IGF2BP3: variants seen among roughly 807,000 people sequenced by gnomAD.
The protein encoded by IGF2BP3 is insulin like growth factor 2 mRNA binding protein 3.
A neutral mutation model predicts 73.8 loss-of-function variants in IGF2BP3; 9 were observed. That is an observed-to-expected ratio of 0.12 (90% CI 0.07 to 0.21). IGF2BP3 has a LOEUF of 0.21. Among genes scored for constraint, IGF2BP3 ranks in the 10% least tolerant of loss-of-function variants. The pLI, the probability that IGF2BP3 is intolerant of heterozygous loss-of-function variation, is 1.00. For synonymous variants in IGF2BP3, 258 were observed against 256.7 expected (o/e 1.01, Z -0.05); for missense variants, 542 against 714.0 (o/e 0.76, Z 2.75).
chr7:23,319,422 T>C (rs574306633), intron 10 of IGF2BP3, among the ~76,000 whole-genome samples, 168 bp from the exon 11 acceptor site: 21 of 152,158 alleles, frequency 1.4e-4, no homozygotes, highest in Non-Finnish European at 7.4e-5. Context: ...GTCAAGAAGA[T>C]CTCATACAGT....
At chr7:23,369,553 G>T (rs1785484425) in intron 3 of IGF2BP3, among the ~76,000 whole-genome samples, 1 of 152,126 alleles carries the variant, frequency 6.6e-6, no homozygotes, top group Admixed American at 6.5e-5. Context: ...AACAGAACCA[G>T]TTTGGTTCAG....
At chr7:23,445,694 C>T (rs1788042871) in intron 2 of IGF2BP3, among the ~76,000 whole-genome samples, 1 of 152,008 alleles carries the variant, frequency 6.6e-6, no homozygotes, top group African/African-American at 2.4e-5. Context: ...ATCAAAATGC[C>T]AGAGACTGGG....
intron 2 of IGF2BP3, among the ~76,000 whole-genome samples, chr7:23,419,263 T>C (rs1311784538): frequency 1.3e-5 from 2 of 152,200 alleles, no homozygotes; most frequent in Non-Finnish European, 2.9e-5. Context: ...AAATTACACA[T>C]TTATCTTCAC....
chr7:23,446,300 T>A (rs34113317), intron 2 of IGF2BP3, among the ~76,000 whole-genome samples: 2 of 152,000 alleles, frequency 1.3e-5, no homozygotes, highest in African/African-American at 4.8e-5. Context: ...GCTCATACCT[T>A]TATGTAATCC....
At chr7:23,387,130 C>T (rs889230004) in intron 3 of IGF2BP3, among the ~76,000 whole-genome samples, 1 of 151,644 alleles carries the variant, frequency 6.6e-6, no homozygotes, top group Non-Finnish European at 1.5e-5. Flanking sequence ...GGTTGGTTAA[C>T]ATCAACATCA....
At chr7:23,466,741 G>A (rs1340765082) in intron 2 of IGF2BP3, among the ~76,000 whole-genome samples, 2 of 152,170 alleles carry the variant, frequency 1.3e-5, no homozygotes, top group Admixed American at 1.3e-4. Flanking sequence ...TACACCTGGG[G>A]AGAAATTCCC....
At chr7:23,386,147 A>G (rs913211456) in intron 3 of IGF2BP3, among the ~76,000 whole-genome samples, 4 of 152,196 alleles carry the variant, frequency 2.6e-5, no homozygotes, top group African/African-American at 2.4e-5. Context: ...GATTTATTAT[A>G]CTATTCTCTC....
intron 10 of IGF2BP3, among the ~76,000 whole-genome samples, chr7:23,341,595 G>A (rs1391625067): frequency 1.3e-5 from 2 of 152,016 alleles, no homozygotes; most frequent in East Asian, 1.9e-4. Flanking sequence ...ATTTGAACCC[G>A]GGAGGTGAAG....
intron 5 of IGF2BP3, among the ~76,000 whole-genome samples, chr7:23,360,687 G>A (rs17148060): frequency 0.043 from 6,505 of 152,168 alleles, 449 homozygotes; most frequent in African/African-American, 0.15. Flanking sequence ...CTTGCAGCTC[G>A]TTTTACTTTT....
chr7:23,421,886 G>A (rs1787358738), intron 2 of IGF2BP3, among the ~76,000 whole-genome samples: 2 of 151,992 alleles, frequency 1.3e-5, no homozygotes, highest in Admixed American at 6.6e-5. Context: ...CCGGGCTCAA[G>A]GGATTCTCCT....
chr7:23,389,321 C>T (rs972214431), intron 3 of IGF2BP3, among the ~76,000 whole-genome samples: 7 of 152,100 alleles, frequency 4.6e-5, no homozygotes, highest in Admixed American at 1.3e-4. Context: ...CCACTACACC[C>T]GCCTAATTTT....
chr7:23,337,384 C>T (rs1395833461), intron 10 of IGF2BP3, among the ~76,000 whole-genome samples: 1 of 152,168 alleles, frequency 6.6e-6, no homozygotes, highest in African/African-American at 2.4e-5. Flanking sequence ...TTTTCTCCTC[C>T]AGAATTTAGA....
intron 2 of IGF2BP3, among the ~76,000 whole-genome samples, chr7:23,452,717 G>A (rs938375464): frequency 2.0e-5 from 3 of 150,152 alleles, no homozygotes; most frequent in East Asian, 2.0e-4. Context: ...CAGGAGAATC[G>A]CTTGAACCCA....
chr7:23,441,679 A>G (rs1414752449), intron 2 of IGF2BP3, among the ~76,000 whole-genome samples: 2 of 150,972 alleles, frequency 1.3e-5, no homozygotes, highest in Admixed American at 6.6e-5. Flanking sequence ...TCCCACCTCT[A>G]CCAGAAATTG....
intron 2 of IGF2BP3, among the ~76,000 whole-genome samples, chr7:23,435,292 CAAAAAAAAAAAAAAAAA>C (rs35846648): frequency 8.3e-5 from 4 of 47,942 alleles, no homozygotes; most frequent in Non-Finnish European, 1.5e-4. Context: ...GACTCTGTCT[CAAAAAAAAAAAAAAAAA>C]AAAAAAAAAA....
rs542696513 is a variant in IGF2BP3 at position 23,345,482 on chromosome 7, T to C, written c.941+458A>G. Among the ~76,000 whole-genome samples the C allele has an allele frequency of 5.0e-4, 76 of 152,330 alleles. No homozygotes were observed. The South Asian group carries it at 0.012, about 24-fold the overall frequency. On this transcript the variant is annotated intron_variant, in intron 8 of 14. Transcript: ENST00000258729. ...CCATGTGGGAGGAACTGAGGCCTTC[T>C]GCCAACAGCCAGCATCAACTTGTCA...
At chr7:23,459,274 A>G (rs146480349) in intron 2 of IGF2BP3, among the ~76,000 whole-genome samples, 1 of 152,186 alleles carries the variant, frequency 6.6e-6, no homozygotes, top group African/African-American at 2.4e-5. Flanking sequence ...GACAGGATTC[A>G]TAATTGGGGA....
rs554110551 is a variant in IGF2BP3 at position 23,347,061 on chromosome 7, A to T, written c.818+539T>A. Among the ~76,000 whole-genome samples the T allele has an allele frequency of 2.0e-5, 3 of 152,270 alleles. No homozygotes were observed. In the East Asian group the frequency reaches 5.8e-4, roughly 29 times the overall value. Reference sequence around the variant, plus strand: ...ACTCCAGTGCCTTACTCTCGATTCTACTTTCAGTGCAGCGCTGTTCTGTAC... The same window carrying T: ...ACTCCAGTGCCTTACTCTCGATTCTTCTTTCAGTGCAGCGCTGTTCTGTAC... On this transcript the variant is annotated intron_variant, in intron 7 of 14. Coordinates refer to ENST00000258729, the MANE Select transcript of IGF2BP3 (RefSeq NM_006547.3).
intron 3 of IGF2BP3, among the ~76,000 whole-genome samples, chr7:23,406,509 G>T (rs1025224680): frequency 2.0e-5 from 3 of 152,154 alleles, no homozygotes; most frequent in Non-Finnish European, 2.9e-5. Flanking sequence ...CTTCCTTCCA[G>T]TGGGTTCGTG....
Sources: allele counts gnomAD v4.1 joint callset (sites outside exome capture counted in the v4.1 genomes callset), GRCh38; gene constraint gnomAD v4.1.1; transcripts MANE v1.5; gene names NCBI Gene and HGNC (gene_info 2026-07-23, HGNC 2026-07-21).